USP22: variants seen among roughly 807,000 people sequenced by gnomAD.
USP22 encodes ubiquitin specific peptidase 22.
USP22 carries 22 observed loss-of-function variants against 68.1 expected under a neutral mutation model. That is an observed-to-expected ratio of 0.32 (90% CI 0.23 to 0.46). USP22 has a LOEUF of 0.46. Ranked by LOEUF, USP22 falls within the 20% of genes least tolerant of loss-of-function variation. USP22 has a pLI of 1.00. For missense variants in USP22, 433 were observed against 695.8 expected (o/e 0.62, Z 4.25); for synonymous variants, 279 against 274.2 (o/e 1.02, Z -0.17).
Position 21,006,926 on chromosome 17 carries a change from T to G in USP22, c.1292A>C (p.Glu431Ala). ...KITTYVSFPL[E>A]LDMTPFMASS... The stretch of plus-strand genomic sequence containing the variant: ...GGCCATGAAAGGGGTCATGTCCAGC[T>G]CCAGGGGGAAGGACACATACGTGGT... Residue 431 changes from glutamate (E) to alanine (A), a missense_variant, in exon 10 of 13, where the codon GAG becomes GCG. Glu to Ala is a moderately radical substitution (Grantham distance 107). Coordinates refer to ENST00000261497, the MANE Select transcript of USP22 (RefSeq NM_015276.2). 1 of 1,609,446 alleles carries G rather than the reference T, an allele frequency of 6.2e-7. No individual in the cohort carries two copies. Among genetic ancestry groups the G allele is most frequent in the Non-Finnish European group, 8.5e-7 (1 of 1,177,706 alleles).
intron 1 of USP22, among the ~76,000 whole-genome samples, chr17:21,041,285 C>G (rs544442848): frequency 1.1e-4 from 16 of 152,160 alleles, no homozygotes; most frequent in Admixed American, 3.3e-4. Flanking sequence ...ATAACGCTAC[C>G]TGATACCATT....
rs542785418 is a variant in USP22 at position 21,042,995 on chromosome 17, C to G, written c.-160G>C. The G allele has an allele frequency of 1.3e-4, 46 of 358,816 alleles. No homozygotes were observed. In the South Asian group the frequency reaches 4.9e-3, roughly 38 times the overall value. The allele number at this position is 358,816 out of a possible 1,614,324, so 22.2% of individuals were successfully genotyped here. ...GACAAAGATGGGGCTGCGCGATCGC[C>G]GAGGGGAGGCTGCAAGGCAGGCACC... On this transcript the variant is annotated 5_prime_UTR_variant, in exon 1 of 13. Transcript: ENST00000261497.
At chr17:21,036,428 G>C (rs893707217) in intron 1 of USP22, among the ~76,000 whole-genome samples, 1 of 151,894 alleles carries the variant, frequency 6.6e-6, no homozygotes, top group African/African-American at 2.4e-5. Flanking sequence ...TCCGCCAAGA[G>C]GGGTGGGGAG....
chr17:21,015,061 C>A (rs1378733652), intron 6 of USP22, among the ~76,000 whole-genome samples: 1 of 152,136 alleles, frequency 6.6e-6, no homozygotes, highest in Non-Finnish European at 1.5e-5. Flanking sequence ...ACTTCAGCTG[C>A]AGGTCCCTCA....
chr17:21,004,429 G>A (rs1163186726), intron 11 of USP22, 78 bp from the exon 12 acceptor site: 9 of 1,565,842 alleles, frequency 5.7e-6, no homozygotes, highest in Non-Finnish European at 5.2e-6. Context: ...CAGAAACCAG[G>A]CAGCCCAGGC....
intron 1 of USP22, among the ~76,000 whole-genome samples, chr17:21,030,714 T>A (rs570790219): frequency 6.6e-6 from 1 of 152,232 alleles, no homozygotes; most frequent in African/African-American, 2.4e-5. Flanking sequence ...TCAAAAACAT[T>A]AATGTAATGA....
intron 12 of USP22, 49 bp downstream of exon 12, chr17:21,004,153 G>GA (rs769842610): frequency 1.1e-5 from 18 of 1,598,866 alleles, no homozygotes; most frequent in Admixed American, 1.7e-5. Flanking sequence ...TACCGGAGGG[G>GA]AAGCACCGTA....
At position 21,018,491 on chromosome 17, in the gene USP22, G is replaced by A. The variant is rs1036119146; in HGVS notation, c.521-380C>T. On this transcript the variant is annotated intron_variant, in intron 4 of 12. Coordinates refer to ENST00000261497, the MANE Select transcript of USP22 (RefSeq NM_015276.2). ...GCACTCTGGGAAGCCAAGGCATGAG[G>A]ATCACTGGAGCCCAGGAGTTCGAGA... 5.7e-5 allele frequency: 10 copies of A among 175,554 alleles called. No individual in the cohort carries two copies. The East Asian group carries it at 8.4e-4, about 15-fold the overall frequency. 10.9% of individuals were successfully genotyped at this position (175,554 alleles called of 1,614,324 possible).
chr17:21,043,121 T>TCCCCCCC (rs1277714053), upstream of USP22: 2 of 27,744 alleles, frequency 7.2e-5, no homozygotes, highest in Non-Finnish European at 1.4e-4. Context: ...GGAGATTACG[T>TCCCCCCC]CACCCCCCCC....
rs907149026 is a variant in USP22 at position 21,040,165 on chromosome 17, ACT to A, written c.171+2498_171+2499del. 7.9e-5 allele frequency among the ~76,000 whole-genome samples: 12 copies of A among 152,210 alleles called. No homozygotes were observed. In the South Asian group the frequency reaches 1.0e-3, roughly 13 times the overall value. On this transcript the variant is annotated intron_variant, in intron 1 of 12. Coordinates refer to ENST00000261497, the MANE Select transcript of USP22 (RefSeq NM_015276.2). The stretch of plus-strand genomic sequence containing the variant: ...ACTCCATCCTGGGTAACAGAGCAAG[ACT>A]CTGTCTCTACAAAAAATAATTTTTA...
chr17:21,042,048 C>T (rs1302021476), intron 1 of USP22, among the ~76,000 whole-genome samples: 1 of 152,246 alleles, frequency 6.6e-6, no homozygotes, highest in Non-Finnish European at 1.5e-5. Context: ...CCCAGCCCGC[C>T]TCCTGCCCCA....
intron 2 of USP22, among the ~76,000 whole-genome samples, chr17:21,022,870 A>G (rs1165819891): frequency 6.6e-6 from 1 of 152,104 alleles, no homozygotes; most frequent in Non-Finnish European, 1.5e-5. Flanking sequence ...CCATAAAGAC[A>G]CATGCATGCG....
chr17:21,039,033 C>T (rs531015759), intron 1 of USP22, among the ~76,000 whole-genome samples: 1 of 151,970 alleles, frequency 6.6e-6, no homozygotes, highest in South Asian at 2.1e-4. Context: ...CTCACTGCAA[C>T]CTCCGCCTCC....
chr17:21,024,760 A>G (rs1972200199), intron 2 of USP22, among the ~76,000 whole-genome samples: 1 of 152,112 alleles, frequency 6.6e-6, no homozygotes. Flanking sequence ...TTGAGCCCAG[A>G]GTTCAAGATA....
intron 2 of USP22, among the ~76,000 whole-genome samples, chr17:21,022,611 A>G (rs2143591489): frequency 6.6e-6 from 1 of 152,244 alleles, no homozygotes; most frequent in African/African-American, 2.4e-5. Flanking sequence ...CATCCTGGCT[A>G]ACATGGTGAA....
chr17:21,012,857 T>C lies in USP22; in HGVS notation c.917A>G (p.Gln306Arg). The C allele has an allele frequency of 6.2e-7, 1 of 1,614,090 alleles. No individual in the cohort carries two copies. Among genetic ancestry groups the C allele is most frequent in the Non-Finnish European group, 8.5e-7 (1 of 1,180,026 alleles). The part of the protein sequence containing the change: ...IIDQIFTGGL[Q>R]SDVTCQVCHG... ...GCAGACTTGGCAGGTGACGTCTGAC[T>C]GCAACCCGCCTGTGAAGATCTGGTC... Residue 306 changes from glutamine (Q) to arginine (R), a missense_variant, in exon 7 of 13, where the codon CAG becomes CGG. Physicochemically the swap from Gln to Arg is conservative, Grantham distance 43. Coordinates refer to ENST00000261497, the MANE Select transcript of USP22 (RefSeq NM_015276.2).
chr17:21,003,809 AGACT>A (rs908285698), intron 12 of USP22, among the ~76,000 whole-genome samples: 1 of 151,366 alleles, frequency 6.6e-6, no homozygotes, highest in Non-Finnish European at 1.5e-5. Context: ...CTGAGGCAGG[AGACT>A]GACTTGAACC....
intron 2 of USP22, among the ~76,000 whole-genome samples, chr17:21,027,652 A>C (rs1283493435): frequency 6.6e-6 from 1 of 152,194 alleles, no homozygotes; most frequent in African/African-American, 2.4e-5. Flanking sequence ...GTGTAGAAGA[A>C]ACAGTTAATG....
rs573205577 is a variant in USP22, at chr17:21,041,205, C to T, written c.171+1460G>A. Reference sequence around the variant, plus strand: ...GCCAGGCCATCTTTTCTTAAAGACACACAATTCTACTAGCAAGACTCTAAC... The same window carrying T: ...GCCAGGCCATCTTTTCTTAAAGACATACAATTCTACTAGCAAGACTCTAAC... On this transcript the variant is annotated intron_variant, in intron 1 of 12. Coordinates refer to ENST00000261497, the MANE Select transcript of USP22 (RefSeq NM_015276.2). Among the ~76,000 whole-genome samples, 19 of 152,194 alleles carry T rather than the reference C, an allele frequency of 1.2e-4. No individual in the cohort carries two copies. In the South Asian group the frequency reaches 2.5e-3, roughly 20 times the overall value.
Sources: gnomAD v4.1 joint callset for allele counts (sites outside exome capture counted in the v4.1 genomes callset) on GRCh38, gnomAD v4.1.1 for gene constraint, MANE v1.5 for transcripts, NCBI Gene and HGNC (gene_info 2026-07-23, HGNC 2026-07-21) for gene names.